Variants in CRYBG1 observed in about 807,000 individuals in gnomAD.
The protein encoded by CRYBG1 is crystallin beta-gamma domain containing 1, also known as beta/gamma crystallin domain-containing protein 1.
In CRYBG1, 139 loss-of-function variants were observed where a neutral mutation model predicts 189.2. The ratio of observed to expected loss-of-function variants is 0.73; its 90% CI spans 0.64 to 0.85. The LOEUF is 0.85. Ranked by LOEUF, CRYBG1 falls within the 40% of genes least tolerant of loss-of-function variation. The probability of loss-of-function intolerance (pLI) is 0.00; values close to 1 mark genes in which losing one functional copy is unlikely to be tolerated. For missense variants in CRYBG1, 2,611 were observed against 2,675.8 expected, an observed-to-expected ratio of 0.98 and a Z score of 0.53; for synonymous variants, 1,023 against 1,017.1, an observed-to-expected ratio of 1.01 and a Z score of -0.11.
intron 1 of CRYBG1, among the ~76,000 whole-genome samples, chr6:106,399,796 G>A (rs530482555): frequency 7.8e-4 from 118 of 151,140 alleles, no homozygotes; most frequent in Middle Eastern, 3.4e-3. Flanking sequence ...AGATGGGACC[G>A]TAGGCATGCA....
rs1276666680 is a variant in CRYBG1 at position 106,553,513 on chromosome 6, C to G, written c.5531C>G (p.Thr1844Arg). Residue 1844 changes from threonine to arginine, a missense_variant, in exon 16 of 22, where the codon ACA (threonine) becomes AGA (arginine). By Grantham distance (71) the Thr-to-Arg change is moderately conservative (BLOSUM62 -1). Around this residue, in one of 3 missense-constraint regions of CRYBG1, gnomAD observed 1,622 missense variants for 1,735.0 expected, o/e 0.93. Transcript: ENST00000633556. ...QGHSQSFEET[T>R]SQIDDSFSTK... ...CACAGTCAAAGTTTTGAAGAAACAA[C>G]AAGTCAAATTGATGATTCATTTTCT... is the stretch of plus-strand genomic sequence containing the variant. 1 of 1,613,958 alleles carries G rather than the reference C, an allele frequency of 6.2e-7. No homozygotes were observed. Among genetic ancestry groups the G allele is most frequent in the Non-Finnish European group, 8.5e-7 (1 of 1,179,886 alleles).
Position 106,511,548 on chromosome 6 carries a change from C to T in CRYBG1, c.431C>T (p.Ser144Leu), listed in dbSNP as rs370367327. 72 of 1,535,788 alleles carry T rather than the reference C, an allele frequency of 4.7e-5. No homozygotes were observed. The African/African-American group carries it at 8.6e-4, about 18-fold the overall frequency. The change falls in exon 3 of 22, where the codon TCA becomes TTA. Residue 144 changes from serine (S) to leucine (L), a missense_variant. By Grantham distance (145) the Ser-to-Leu change is moderately radical. Around this residue, in one of 3 missense-constraint regions of CRYBG1, gnomAD observed 985 missense variants for 924.4 expected, o/e 1.07. Coordinates refer to ENST00000633556, the MANE Select transcript of CRYBG1 (RefSeq NM_001371242.2). Reference protein sequence around the residue: ...SRNGLESPTRSNAKPLSPKDV... With the variant: ...SRNGLESPTRLNAKPLSPKDV... ...AACGGGTTAGAGAGTCCCACCAGATCAAATGCCAAACCACTCTCTCCCAAA... is the reference window on the plus strand; with the variant it reads ...AACGGGTTAGAGAGTCCCACCAGATTAAATGCCAAACCACTCTCTCCCAAA...
intron 1 of CRYBG1, among the ~76,000 whole-genome samples, chr6:106,412,762 A>G (rs1344939050): frequency 1.3e-5 from 2 of 152,116 alleles, no homozygotes; most frequent in African/African-American, 2.4e-5. Context: ...TTCACTTTCA[A>G]CTCTGAACCT....
chr6:106,516,903 AG>A lies in CRYBG1; in HGVS notation c.1923-2227del, dbSNP rs573105984. On this transcript the variant is annotated intron_variant, in intron 3 of 21. Coordinates refer to ENST00000633556, the MANE Select transcript of CRYBG1 (RefSeq NM_001371242.2). ...AATGTATAAAGTCGTATATTAATTA[AG>A]TAAGCCCGATGAAGCATTTGTCAAG... is the stretch of plus-strand genomic sequence containing the variant. Among the ~76,000 whole-genome samples the A allele has an allele frequency of 1.9e-4, 29 of 152,202 alleles. 2 individuals are homozygous for A. In the South Asian group the frequency reaches 6.0e-3, roughly 32 times the overall value.
At chr6:106,444,096 T>G (rs1321098864) in intron 1 of CRYBG1, among the ~76,000 whole-genome samples, 1 of 152,184 alleles carries the variant, frequency 6.6e-6, no homozygotes, top group Non-Finnish European at 1.5e-5. Context: ...GAAAATACCC[T>G]CTTTTGCATT....
chr6:106,438,880 A>T (rs894453611), intron 1 of CRYBG1, among the ~76,000 whole-genome samples: 2 of 152,148 alleles, frequency 1.3e-5, no homozygotes, highest in Non-Finnish European at 2.9e-5. Flanking sequence ...TAGTAGCATA[A>T]ATTGTAACTG....
Position 106,376,090 on chromosome 6 carries a change from C to T in CRYBG1, c.173+15009C>T, listed in dbSNP as rs1010044575. On this transcript the variant is annotated intron_variant, in intron 1 of 21. Coordinates refer to ENST00000633556, the MANE Select transcript of CRYBG1 (RefSeq NM_001371242.2). Reference sequence around the variant, plus strand: ...TGCAACCATGCATAAGGGAGGACTGCTATAGTTATAATAATTCACAACCTC... The same window carrying T: ...TGCAACCATGCATAAGGGAGGACTGTTATAGTTATAATAATTCACAACCTC... 1.1e-4 allele frequency among the ~76,000 whole-genome samples: 17 copies of T among 152,110 alleles called. 1 individual carries two copies. Among genetic ancestry groups the T allele is most frequent in the Non-Finnish European group, 5.9e-5 (4 of 68,034 alleles).
At chr6:106,383,278 A>T (rs1770321119) in intron 1 of CRYBG1, among the ~76,000 whole-genome samples, 1 of 152,196 alleles carries the variant, frequency 6.6e-6, no homozygotes, top group Non-Finnish European at 1.5e-5. Flanking sequence ...TCTGCATCTT[A>T]ACCTCCATAA....
At chr6:106,514,152 A>G (rs1267973782) in intron 3 of CRYBG1, among the ~76,000 whole-genome samples, 1 of 152,222 alleles carries the variant, frequency 6.6e-6, no homozygotes, top group Non-Finnish European at 1.5e-5. Context: ...TGCCTTGATG[A>G]TAAATGCAAT....
At chr6:106,436,573 G>A (rs1349470546) in intron 1 of CRYBG1, among the ~76,000 whole-genome samples, 2 of 142,772 alleles carry the variant, frequency 1.4e-5, no homozygotes, top group African/African-American at 5.5e-5. Context: ...AGATTAAGGC[G>A]TGAGCCAACG....
At chr6:106,419,137 T>A (rs1260636868) in intron 1 of CRYBG1, among the ~76,000 whole-genome samples, 1 of 152,208 alleles carries the variant, frequency 6.6e-6, no homozygotes, top group East Asian at 1.9e-4. Flanking sequence ...CCAGGTAGCA[T>A]TTTTCCTATT....
chr6:106,436,341 T>C (rs887361644), intron 1 of CRYBG1, among the ~76,000 whole-genome samples: 227 of 149,056 alleles, frequency 1.5e-3, no homozygotes, highest in African/African-American at 5.0e-3. Flanking sequence ...CTCTGTTGCC[T>C]AGGCTGGAGT....
intron 2 of CRYBG1, among the ~76,000 whole-genome samples, chr6:106,471,210 G>C (rs1358807834): frequency 6.6e-6 from 1 of 152,148 alleles, no homozygotes; most frequent in Non-Finnish European, 1.5e-5. Context: ...ACCCAAGCTT[G>C]GTTTCTTGAG....
At chr6:106,523,882 C>A (rs1050912884) in intron 4 of CRYBG1, among the ~76,000 whole-genome samples, 1 of 152,130 alleles carries the variant, frequency 6.6e-6, no homozygotes, top group Non-Finnish European at 1.5e-5. Flanking sequence ...TAAGTGAGTG[C>A]CACCACGCCC....
At chr6:106,403,105 G>A (rs2114357840) in intron 1 of CRYBG1, among the ~76,000 whole-genome samples, 1 of 152,268 alleles carries the variant, frequency 6.6e-6, no homozygotes, top group Admixed American at 6.5e-5. Context: ...GGCTAAGACG[G>A]GGGAGGATTG....
intron 21 of CRYBG1, among the ~76,000 whole-genome samples, chr6:106,567,402 T>C (rs1774922628): frequency 6.6e-6 from 1 of 152,260 alleles, no homozygotes; most frequent in South Asian, 2.1e-4. Context: ...GATAAATCAG[T>C]GTCTCACAAG....
chr6:106,392,016 G>T (rs923415029), intron 1 of CRYBG1, among the ~76,000 whole-genome samples: 2 of 151,006 alleles, frequency 1.3e-5, no homozygotes, highest in African/African-American at 4.9e-5. Context: ...AGAGTTAATC[G>T]TCCCTCAGGA....
intron 1 of CRYBG1, among the ~76,000 whole-genome samples, chr6:106,405,653 G>A (rs1030060462): frequency 7.2e-5 from 11 of 152,314 alleles, no homozygotes; most frequent in East Asian, 5.8e-4. Context: ...GGCATCTGGC[G>A]GGTGCCCCTC....
At chr6:106,450,158 C>T (rs894733327) in intron 1 of CRYBG1, among the ~76,000 whole-genome samples, 3 of 148,500 alleles carry the variant, frequency 2.0e-5, no homozygotes, top group Non-Finnish European at 3.0e-5. Flanking sequence ...GTGGAGGTTG[C>T]AGTGAGCTGA....
Sources: allele counts gnomAD v4.1 joint callset (sites outside exome capture counted in the v4.1 genomes callset), GRCh38; gene constraint gnomAD v4.1.1; regional missense constraint gnomAD v4.1.1; transcripts MANE v1.5; gene names NCBI Gene and HGNC (gene_info 2026-07-23, HGNC 2026-07-21).